The following PRR29 variants were observed in gnomAD, a reference collection of about 807,000 sequenced individuals.
PRR29 encodes proline rich 29, also known as proline-rich protein 29.
In PRR29, 20 loss-of-function variants were observed where a neutral mutation model predicts 25.1. The ratio of observed to expected loss-of-function variants is 0.80; its 90% CI spans 0.56 to 1.16. The LOEUF (loss-of-function observed/expected upper bound fraction) is 1.16, where lower values mean the gene tolerates loss of function less well. Ranked by LOEUF, PRR29 falls within the 50% of genes most tolerant of loss-of-function variation. The pLI is 0.00. For missense variants in PRR29, 238 were observed against 246.6 expected (o/e 0.97, Z 0.23); for synonymous variants, 108 against 102.6 (o/e 1.05, Z -0.32).
Position 63,998,797 on chromosome 17 carries a change from T to TGCCCCCCCCCCCC in PRR29, c.136+15_136+16insGCCCCCCCCCCCC. ...CGTGAAGGAAGGTGAGACTCCCGGG[T>TGCCCCCCCCCCCC]CCCCCCACCCCACCCCCACCATCAC... is the stretch of plus-strand genomic sequence containing the variant. On this transcript the variant is annotated intron_variant, in intron 2 of 5. Transcript: ENST00000412177. 9.4e-7 allele frequency: 1 copy of TGCCCCCCCCCCCC among 1,062,604 alleles called. No individual in the cohort carries two copies. The highest frequency in any genetic ancestry group is 1.3e-6 in the Non-Finnish European group (1 of 761,702). The allele number at this position is 1,062,604 out of a possible 1,614,324, so 65.8% of individuals were successfully genotyped here. A position where few individuals can be genotyped will look rare whatever the true frequency, so the allele number is the denominator to read the frequency against.
Position 64,003,556 on chromosome 17 carries a change from C to T in PRR29, c.*1795C>T. ...TGAAGGGTGGGCTCCTGGGTGTTTG[C>T]TTCCCAAGTGGGACTCAAGATTTTT... On this transcript the variant is annotated 3_prime_UTR_variant, in exon 6 of 6. Coordinates refer to ENST00000412177, the MANE Select transcript of PRR29 (RefSeq NM_001164257.2). The T allele has an allele frequency of 8.0e-7, 1 of 1,249,850 alleles. No homozygotes were observed. Among genetic ancestry groups the T allele is most frequent in the South Asian group, 1.4e-5 (1 of 72,314 alleles). 77.4% of individuals were successfully genotyped at this position (1,249,850 alleles called of 1,614,324 possible).
chr17:64,001,701 A>G, intron 5 of PRR29, 32 bp from the exon 6 acceptor site: 1 of 1,535,452 alleles, frequency 6.5e-7, no homozygotes, highest in East Asian at 2.4e-5. Context: ...CTGAGACAGG[A>G]GGGAGTCAAG....
Position 64,002,576 on chromosome 17 carries a change from G to C in PRR29, c.*815G>C, listed in dbSNP as rs13306431. The C allele has an allele frequency of 9.4e-6, 6 of 640,194 alleles. No homozygotes were observed. The East Asian group carries it at 1.7e-4, about 18-fold the overall frequency. 39.7% of individuals were successfully genotyped at this position (640,194 alleles called of 1,614,324 possible). Reference sequence around the variant, plus strand: ...CCTGGCCATTGTTATCCCAGGAGGAGACACTGTGGGCACAGGGCTAAGTCC... The same window carrying C: ...CCTGGCCATTGTTATCCCAGGAGGACACACTGTGGGCACAGGGCTAAGTCC... On this transcript the variant is annotated 3_prime_UTR_variant, in exon 6 of 6. Transcript: ENST00000412177.
At chr17:63,998,821 A>G (rs955219268) in intron 2 of PRR29, 39 bp downstream of exon 2, 10 of 801,134 alleles carry the variant, frequency 1.2e-5, no homozygotes, top group African/African-American at 2.4e-5. Context: ...CCCCACCATC[A>G]CCACCACTCA....
Position 64,001,014 on chromosome 17 carries a change from G to A in PRR29, c.244-70G>A. ...TCTGGAGGAAATAACTTAGGGGAAT[G>A]GAGGAGTGGCGGTGGGGAGAGCCTG... is the stretch of plus-strand genomic sequence containing the variant. On this transcript the variant is annotated intron_variant, in intron 3 of 5. Transcript: ENST00000412177. The A allele has an allele frequency of 2.4e-6, 3 of 1,265,368 alleles. No homozygotes were observed. In the South Asian group the frequency reaches 3.8e-5, roughly 16 times the overall value. The allele number at this position is 1,265,368 out of a possible 1,614,324, so 78.4% of individuals were successfully genotyped here. A position where few individuals can be genotyped will look rare whatever the true frequency, so the allele number is the denominator to read the frequency against.
rs1910785724 is a variant in PRR29, at chr17:64,001,789, C to G, written c.*28C>G. 1 of 1,537,156 alleles carries G rather than the reference C, an allele frequency of 6.5e-7. No homozygotes were observed. The highest frequency in any genetic ancestry group is 2.4e-5 in the East Asian group (1 of 40,912). On this transcript the variant is annotated 3_prime_UTR_variant, in exon 6 of 6. Coordinates refer to ENST00000412177, the MANE Select transcript of PRR29 (RefSeq NM_001164257.2). ...ACAGACCCCGGCCCTGGGAACTGCA[C>G]CAGCTTCCTGCTCTGGATACAGCCC...
Position 64,004,026 on chromosome 17 carries a change from C to A in PRR29, c.*2265C>A. 7.8e-7 allele frequency: 1 copy of A among 1,279,008 alleles called. No individual in the cohort carries two copies. The highest frequency in any genetic ancestry group is 1.1e-6 in the Non-Finnish European group (1 of 928,116). The allele number at this position is 1,279,008 out of a possible 1,614,324, so 79.2% of individuals were successfully genotyped here. ...GGGGTGCAGTCCCAGCAGCCTCCCC[C>A]TGGCCAGGGCCATCTCCTGTCACCA... On this transcript the variant is annotated 3_prime_UTR_variant, in exon 6 of 6. Transcript: ENST00000412177.
intron 3 of PRR29, chr17:63,999,904 G>A (rs912226601): frequency 1.3e-5 from 2 of 153,604 alleles, no homozygotes; most frequent in African/African-American, 4.8e-5. Flanking sequence ...GTGTGTGCAA[G>A]TGGGGGTGTG....
rs1305521522 is a variant in PRR29, at chr17:64,001,847, C to A, written c.*86C>A. ...GCCTCCTGCACCTCTCTTGTCGACT[C>A]CCCGGTGCCCATGGCTGGCAGTCCT... On this transcript the variant is annotated 3_prime_UTR_variant, in exon 6 of 6. Coordinates refer to ENST00000412177, the MANE Select transcript of PRR29 (RefSeq NM_001164257.2). The A allele has an allele frequency of 6.5e-7, 1 of 1,537,016 alleles. No individual in the cohort carries two copies. The highest frequency in any genetic ancestry group is 2.0e-5 in the Admixed American group (1 of 50,998).
In PRR29 at chr17:63,998,401, C is replaced by G. The variant is rs910052139; in HGVS notation, c.37C>G (p.Pro13Ala). 1.7e-5 allele frequency: 25 copies of G among 1,514,448 alleles called. No individual in the cohort carries two copies. The highest frequency in any genetic ancestry group is 2.0e-5 in the Non-Finnish European group (23 of 1,136,474). The allele number at this position is 1,514,448 out of a possible 1,614,324, so 93.8% of individuals were successfully genotyped here. ...GGCGGGCGGAAGCTGGGGTCGCTCCCCACCGCAGAGCGCAGTCCCGACGGT... is the reference window on the plus strand; with the variant it reads ...GGCGGGCGGAAGCTGGGGTCGCTCCGCACCGCAGAGCGCAGTCCCGACGGT... ...SGAGGSWGRS[P>A]PQSAVPTPWV... Residue 13 changes from proline to alanine, a missense_variant, in exon 1 of 6, where the codon CCA (proline) becomes GCA (alanine). Physicochemically the swap from Pro to Ala is conservative, Grantham distance 27. Transcript: ENST00000412177.
At chr17:64,000,597 G>A (rs547077463) in intron 3 of PRR29, among the ~76,000 whole-genome samples, 7 of 151,438 alleles carry the variant, frequency 4.6e-5, no homozygotes, top group East Asian at 3.9e-4. Flanking sequence ...CCAAAGTGCC[G>A]GGATTACAGG....
rs759286465 is a variant in PRR29, at chr17:64,002,913, T to A, written c.*1152T>A. 3.7e-6 allele frequency: 6 copies of A among 1,613,168 alleles called. No homozygotes were observed. The highest frequency in any genetic ancestry group is 1.7e-5 in the Admixed American group (1 of 59,952). The stretch of plus-strand genomic sequence containing the variant: ...CGTGACTATGATGACCATCTGGCTG[T>A]CCGACACAGGCTCTGGGGAGGGAGG... On this transcript the variant is annotated 3_prime_UTR_variant, in exon 6 of 6. Coordinates refer to ENST00000412177, the MANE Select transcript of PRR29 (RefSeq NM_001164257.2).
At position 64,003,638 on chromosome 17, in the gene PRR29, C is replaced by G; in HGVS notation, c.*1877C>G. 6.2e-7 allele frequency: 1 copy of G among 1,609,562 alleles called. No homozygotes were observed. Among genetic ancestry groups the G allele is most frequent in the Non-Finnish European group, 8.5e-7 (1 of 1,177,122 alleles). On this transcript the variant is annotated 3_prime_UTR_variant, in exon 6 of 6. Transcript: ENST00000412177. ...CTCCCAACTCCATCCACGGATCCCC[C>G]CTCACCATAGATCTCCAACATCTTC... is the stretch of plus-strand genomic sequence containing the variant.
Position 64,003,746 on chromosome 17 carries a change from CCTCT to C in PRR29, c.*1988_*1991del, listed in dbSNP as rs56285713. 4.3e-6 allele frequency: 7 copies of C among 1,614,138 alleles called. No homozygotes were observed. In the East Asian group the frequency reaches 1.3e-4, roughly 31 times the overall value. On this transcript the variant is annotated 3_prime_UTR_variant, in exon 6 of 6. Coordinates refer to ENST00000412177, the MANE Select transcript of PRR29 (RefSeq NM_001164257.2). ...AGGCAGGAGAAGTTGCGGTGGCCAT[CCTCT>C]CTGTCAGCCGTGCTGTTGAATGTGG...
intron 3 of PRR29, among the ~76,000 whole-genome samples, chr17:64,000,116 C>T (rs1050087636): frequency 6.6e-6 from 1 of 152,148 alleles, no homozygotes; most frequent in Non-Finnish European, 1.5e-5. Flanking sequence ...CCCCTGGGTC[C>T]TCAGTGATGA....
intron 1 of PRR29, 29 bp from the exon 2 acceptor site, chr17:63,998,678 C>T (rs1265806923): frequency 1.0e-5 from 14 of 1,366,926 alleles, no homozygotes; most frequent in Admixed American, 8.0e-5. Flanking sequence ...CCCCCCACCC[C>T]ACCTGGCTGA....
At chr17:63,999,143 T>G in intron 3 of PRR29, 69 bp downstream of exon 3, 1 of 1,218,292 alleles carries the variant, frequency 8.2e-7, no homozygotes, top group Non-Finnish European at 1.2e-6. Flanking sequence ...CTGGGGTTCC[T>G]GTTCAGGGGG....
In PRR29 at chr17:64,003,668, CTGAG is replaced by C. The variant is rs1411065311; in HGVS notation, c.*1910_*1913del. 1.1e-5 allele frequency: 17 copies of C among 1,613,868 alleles called. No homozygotes were observed. Among genetic ancestry groups the C allele is most frequent in the Admixed American group, 3.3e-5 (2 of 60,006 alleles). The stretch of plus-strand genomic sequence containing the variant: ...CCATAGATCTCCAACATCTTCGGGG[CTGAG>C]TGTTTGTGAAAGATGTTGCCACCGC... On this transcript the variant is annotated 3_prime_UTR_variant, in exon 6 of 6. Coordinates refer to ENST00000412177, the MANE Select transcript of PRR29 (RefSeq NM_001164257.2).
rs987764625 is a variant in PRR29, at chr17:64,003,592, G to A, written c.*1831G>A. ...GGACTCAAGATTTTTCTTCCCCCGA[G>A]GGGCTGAAAGTGACTTATCACTCCC... On this transcript the variant is annotated 3_prime_UTR_variant, in exon 6 of 6. Coordinates refer to ENST00000412177, the MANE Select transcript of PRR29 (RefSeq NM_001164257.2). The A allele has an allele frequency of 3.3e-6, 5 of 1,538,406 alleles. No individual in the cohort carries two copies. The highest frequency in any genetic ancestry group is 3.5e-6 in the Non-Finnish European group (4 of 1,128,560).
Sources: gnomAD v4.1 joint callset for allele counts (sites outside exome capture counted in the v4.1 genomes callset) on GRCh38, gnomAD v4.1.1 for gene constraint, MANE v1.5 for transcripts, NCBI Gene and HGNC (gene_info 2026-07-23, HGNC 2026-07-21) for gene names.